The following AKAP6 variants were observed in gnomAD, a reference collection of about 807,000 sequenced individuals.
AKAP6 encodes the protein A-kinase anchoring protein 6.
AKAP6 carries 58 observed loss-of-function variants against 188.5 expected under a neutral mutation model. The ratio of observed to expected loss-of-function variants is 0.31; its 90% CI spans 0.25 to 0.38. The LOEUF (loss-of-function observed/expected upper bound fraction) is 0.38. Ranked by LOEUF, AKAP6 falls within the 10% of genes least tolerant of loss-of-function variation. The pLI is 1.00. For missense variants in AKAP6, 2,710 were observed against 2,740.0 expected (o/e 0.99, Z 0.24); for synonymous variants, 989 against 998.6 (o/e 0.99, Z 0.18).
chr14:32,416,209 T>TA (rs2138663764), intron 1 of AKAP6, among the ~76,000 whole-genome samples: 1 of 152,298 alleles, frequency 6.6e-6, no homozygotes, highest in East Asian at 1.9e-4. Context: ...CAACACTAAT[T>TA]ATTTTCTGTT....
At chr14:32,562,208 A>T (rs917131734) in intron 4 of AKAP6, among the ~76,000 whole-genome samples, 2 of 151,970 alleles carry the variant, frequency 1.3e-5, no homozygotes, top group Non-Finnish European at 2.9e-5. Flanking sequence ...TTCTTTTTTT[A>T]ATGCTTTAAG....
chr14:32,460,888 G>C (rs1253874227), intron 2 of AKAP6, among the ~76,000 whole-genome samples: 1 of 152,204 alleles, frequency 6.6e-6, no homozygotes, highest in Non-Finnish European at 1.5e-5. Flanking sequence ...GTGTGGGGAG[G>C]GGCATCCACC....
intron 9 of AKAP6, among the ~76,000 whole-genome samples, chr14:32,712,811 C>G (rs2029966697): frequency 6.6e-6 from 1 of 152,046 alleles, no homozygotes; most frequent in Non-Finnish European, 1.5e-5. Context: ...ACCCCTCAGT[C>G]ATCCATAAGG....
At chr14:32,729,319 C>T (rs556494696) in intron 9 of AKAP6, among the ~76,000 whole-genome samples, 4 of 151,858 alleles carry the variant, frequency 2.6e-5, no homozygotes, top group African/African-American at 9.7e-5. Flanking sequence ...AAGCCTTTAG[C>T]GTAACTGTCA....
Position 32,823,734 on chromosome 14 carries a change from G to A in AKAP6, c.5921G>A (p.Ser1974Asn), listed in dbSNP as rs1466168997. 2 of 1,613,550 alleles carry A rather than the reference G, an allele frequency of 1.2e-6. No individual in the cohort carries two copies. Among genetic ancestry groups the A allele is most frequent in the East Asian group, 4.5e-5 (2 of 44,864 alleles). Residue 1974 changes from serine (S) to asparagine (N), a missense_variant, in exon 13 of 14, where the codon AGC becomes AAC. Coordinates refer to ENST00000280979, the MANE Select transcript of AKAP6 (RefSeq NM_004274.5). ...AATCACCACCATTTTGAAAATCAAA[G>A]CACTGCCTCTACTCCCACTGAGAAG... Reference protein sequence around the residue: ...CPNHHHFENQSTASTPTEKSF... With the variant: ...CPNHHHFENQNTASTPTEKSF...
intron 9 of AKAP6, among the ~76,000 whole-genome samples, chr14:32,699,547 C>T (rs1480481899): frequency 1.3e-5 from 2 of 152,104 alleles, no homozygotes; most frequent in Non-Finnish European, 2.9e-5. Flanking sequence ...CAAGAGCAAC[C>T]TAATTCCTAT....
At chr14:32,393,840 T>A (rs549098006) in intron 1 of AKAP6, among the ~76,000 whole-genome samples, 2 of 152,208 alleles carry the variant, frequency 1.3e-5, no homozygotes, top group South Asian at 4.1e-4. Flanking sequence ...TGTAAACACT[T>A]CAGGTTTGTC....
chr14:32,768,871 G>A (rs1040084537), intron 11 of AKAP6, among the ~76,000 whole-genome samples: 4 of 151,880 alleles, frequency 2.6e-5, no homozygotes, highest in African/African-American at 9.7e-5. Flanking sequence ...AGAATTTGCA[G>A]TTCTAACAAG....
chr14:32,796,797 A>G (rs1047776034), intron 12 of AKAP6, among the ~76,000 whole-genome samples: 3 of 152,216 alleles, frequency 2.0e-5, no homozygotes, highest in Non-Finnish European at 4.4e-5. Flanking sequence ...AAATTCACAC[A>G]TGGGATCTAA....
At chr14:32,819,767 T>C (rs1255181690) in intron 12 of AKAP6, among the ~76,000 whole-genome samples, 1 of 151,898 alleles carries the variant, frequency 6.6e-6, no homozygotes, top group East Asian at 1.9e-4. Context: ...CTGGGCAACA[T>C]AGTGACACCC....
intron 1 of AKAP6, among the ~76,000 whole-genome samples, chr14:32,383,277 A>G (rs1363372660): frequency 2.0e-5 from 3 of 152,204 alleles, no homozygotes; most frequent in African/African-American, 4.8e-5. Flanking sequence ...CAAAAATAGT[A>G]TATCATATAC....
intron 11 of AKAP6, among the ~76,000 whole-genome samples, chr14:32,771,646 G>A (rs1416518654): frequency 1.3e-5 from 2 of 152,214 alleles, no homozygotes; most frequent in Admixed American, 6.5e-5. Flanking sequence ...GTTGCCTGAT[G>A]TGGCCTGTGC....
At chr14:32,750,400 G>C (rs1337567602) in intron 11 of AKAP6, among the ~76,000 whole-genome samples, 2 of 151,966 alleles carry the variant, frequency 1.3e-5, no homozygotes, top group African/African-American at 4.8e-5. Context: ...ACACCTTCAA[G>C]TATTTCTTTT....
chr14:32,758,655 C>T (rs1410416021), intron 11 of AKAP6, among the ~76,000 whole-genome samples: 1 of 152,116 alleles, frequency 6.6e-6, no homozygotes, highest in Non-Finnish European at 1.5e-5. Context: ...ATCGCTTGAA[C>T]CCAGGAGGAG....
intron 9 of AKAP6, among the ~76,000 whole-genome samples, chr14:32,706,155 G>A (rs1318248118): frequency 6.6e-6 from 1 of 152,116 alleles, no homozygotes; most frequent in Non-Finnish European, 1.5e-5. Flanking sequence ...TTGCTCGCCT[G>A]CTCATTGTTG....
At chr14:32,708,925 G>T (rs1420277376) in intron 9 of AKAP6, among the ~76,000 whole-genome samples, 1 of 151,918 alleles carries the variant, frequency 6.6e-6, no homozygotes, top group African/African-American at 2.4e-5. Context: ...CTGCCTGGTG[G>T]TACTAAAGAC....
intron 2 of AKAP6, among the ~76,000 whole-genome samples, chr14:32,524,840 G>A (rs770127685): frequency 2.6e-5 from 4 of 152,262 alleles, no homozygotes; most frequent in Middle Eastern, 3.4e-3. Flanking sequence ...GTTTTTCAAT[G>A]TGTGGTGCAT....
At chr14:32,657,383 G>A (rs1350863648) in intron 7 of AKAP6, among the ~76,000 whole-genome samples, 1 of 152,140 alleles carries the variant, frequency 6.6e-6, no homozygotes, top group Non-Finnish European at 1.5e-5. Context: ...GTTAGTAACA[G>A]CTTAAAGCAG....
chr14:32,350,928 G>A (rs1385623291), intron 1 of AKAP6, among the ~76,000 whole-genome samples: 1 of 152,048 alleles, frequency 6.6e-6, no homozygotes, highest in African/African-American at 2.4e-5. Context: ...TAACAATTTG[G>A]CATATGTTTT....
Sources: gnomAD v4.1 joint callset for allele counts (sites outside exome capture counted in the v4.1 genomes callset) on GRCh38, gnomAD v4.1.1 for gene constraint, MANE v1.5 for transcripts, NCBI Gene and HGNC (gene_info 2026-07-23, HGNC 2026-07-21) for gene names.